CLDN14: variants seen among roughly 807,000 people sequenced by gnomAD.
CLDN14 encodes claudin 14.
CLDN14 carries 2 observed loss-of-function variants against 2.1 expected under a neutral mutation model. That is an observed-to-expected ratio of 0.96 (90% CI 0.39 to 3.01). The LOEUF (loss-of-function observed/expected upper bound fraction) is 3.01, where lower values mean the gene tolerates loss of function less well. Among genes scored for constraint, CLDN14 ranks in the 30% most tolerant of loss-of-function variants. The probability of loss-of-function intolerance (pLI) is 0.09; values close to 1 mark genes in which losing one functional copy is unlikely to be tolerated. For synonymous variants in CLDN14, 136 were observed against 154.4 expected, an observed-to-expected ratio of 0.88 and a Z score of 0.88; for missense variants, 298 against 328.0, an observed-to-expected ratio of 0.91 and a Z score of 0.71.
intron 1 of CLDN14, among the ~76,000 whole-genome samples, chr21:36,566,034 T>C (rs1054705913): frequency 2.6e-5 from 4 of 152,236 alleles, no homozygotes; most frequent in Non-Finnish European, 5.9e-5. Flanking sequence ...CTTGAAGCCA[T>C]CAGTCTTATT....
chr21:36,502,627 G>T (rs1208300996), intron 2 of CLDN14, among the ~76,000 whole-genome samples: 1 of 152,148 alleles, frequency 6.6e-6, no homozygotes, highest in Admixed American at 6.5e-5. Context: ...ATAATGTTGG[G>T]TGTGTAAGAA....
At chr21:36,531,458 T>C (rs112204241) in intron 1 of CLDN14, among the ~76,000 whole-genome samples, 20,732 of 151,570 alleles carry the variant, frequency 0.14, 3,563 homozygotes, top group African/African-American at 0.41. Flanking sequence ...ACAGACAGGG[T>C]TTCACCCTGT....
intron 1 of CLDN14, among the ~76,000 whole-genome samples, chr21:36,527,139 G>C (rs923742549): frequency 2.6e-5 from 4 of 152,188 alleles, no homozygotes; most frequent in African/African-American, 9.7e-5. Context: ...AAGCTCAACT[G>C]TTCCTCCTCT....
chr21:36,476,128 G>A (rs1246557189), intron 1 of CLDN14, among the ~76,000 whole-genome samples: 1 of 152,156 alleles, frequency 6.6e-6, no homozygotes, highest in East Asian at 1.9e-4. Flanking sequence ...TCTCTGGCCT[G>A]TCCCTGGAAT....
At chr21:36,475,866 G>A (rs1357188172) in intron 1 of CLDN14, among the ~76,000 whole-genome samples, 4 of 152,020 alleles carry the variant, frequency 2.6e-5, no homozygotes, top group Non-Finnish European at 4.4e-5. Context: ...GTAGAGACGG[G>A]GTTTCACTCC....
chr21:36,535,890 A>G (rs992739713), intron 1 of CLDN14, among the ~76,000 whole-genome samples: 1 of 152,230 alleles, frequency 6.6e-6, no homozygotes, highest in Non-Finnish European at 1.5e-5. Context: ...TACACCTTAG[A>G]GCAAACCCAC....
chr21:36,461,475 G>A lies in CLDN14; in HGVS notation c.221C>T (p.Pro74Leu), dbSNP rs908752693. The change falls in exon 2 of 2, where the codon CCC (proline) becomes CTC (leucine). Residue 74 changes from proline to leucine, a missense_variant. Transcript: ENST00000399135. Reference protein sequence around the residue: ...CQIYRSLLALPQDLQAARALM... With the variant: ...CQIYRSLLALLQDLQAARALM... ...GGCGCGGGCAGCCTGGAGGTCTTGG[G>A]GCAGCGCCAGCAGGGATCGGTAGAT... 1.9e-5 allele frequency: 31 copies of A among 1,613,294 alleles called. No homozygotes were observed. The highest frequency in any genetic ancestry group is 2.5e-5 in the Non-Finnish European group (30 of 1,180,008).
intron 2 of CLDN14, among the ~76,000 whole-genome samples, chr21:36,495,135 C>T (rs1276930928): frequency 6.6e-6 from 1 of 152,176 alleles, no homozygotes; most frequent in African/African-American, 2.4e-5. Flanking sequence ...CGAGACTAGC[C>T]TGACCAACAT....
intron 1 of CLDN14, among the ~76,000 whole-genome samples, chr21:36,475,710 C>T (rs1395014592): frequency 1.3e-5 from 2 of 152,106 alleles, no homozygotes; most frequent in Non-Finnish European, 2.9e-5. Context: ...GCCACTGCAC[C>T]CAGCCCCGCT....
intron 2 of CLDN14, among the ~76,000 whole-genome samples, chr21:36,488,535 G>C (rs1601606034): frequency 6.6e-6 from 1 of 151,872 alleles, no homozygotes; most frequent in South Asian, 2.1e-4. Context: ...CTCCCAAAGT[G>C]CTGGGATTAC....
At chr21:36,558,423 G>T (rs1475285322) in intron 1 of CLDN14, among the ~76,000 whole-genome samples, 1 of 151,986 alleles carries the variant, frequency 6.6e-6, no homozygotes, top group Non-Finnish European at 1.5e-5. Context: ...ATGAACATGG[G>T]ATACTTTTCT....
intron 1 of CLDN14, among the ~76,000 whole-genome samples, chr21:36,541,391 G>A (rs557694038): frequency 3.2e-4 from 48 of 152,128 alleles, no homozygotes; most frequent in Non-Finnish European, 6.8e-4. Flanking sequence ...GTAACAAAAG[G>A]ATGAAAAGAA....
intron 1 of CLDN14, among the ~76,000 whole-genome samples, chr21:36,470,345 T>C (rs1482664151): frequency 6.6e-6 from 1 of 152,198 alleles, no homozygotes; most frequent in African/African-American, 2.4e-5. Context: ...TATAAGAGGA[T>C]GGGCATATGA....
intron 2 of CLDN14, among the ~76,000 whole-genome samples, chr21:36,490,949 GACACAC>G (rs3030068): frequency 0.033 from 4,950 of 148,472 alleles, 154 homozygotes; most frequent in African/African-American, 0.071. Flanking sequence ...CAAGTGCACA[GACACAC>G]ACACACACAC....
intron 2 of CLDN14, among the ~76,000 whole-genome samples, chr21:36,500,426 T>G (rs1435220523): frequency 2.0e-5 from 3 of 152,196 alleles, no homozygotes; most frequent in Non-Finnish European, 4.4e-5. Flanking sequence ...TTCCATTCAT[T>G]TTTTTAAAAT....
At chr21:36,573,228 G>A (rs1427791981) in intron 1 of CLDN14, among the ~76,000 whole-genome samples, 1 of 151,688 alleles carries the variant, frequency 6.6e-6, no homozygotes, top group African/African-American at 2.4e-5. Context: ...GTGAACCCGG[G>A]AGGCGGAGCT....
chr21:36,567,168 G>C (rs1260352523), intron 1 of CLDN14, among the ~76,000 whole-genome samples: 2 of 152,234 alleles, frequency 1.3e-5, no homozygotes, highest in Admixed American at 6.5e-5. Flanking sequence ...GGAGGCAGAA[G>C]CCTACCCTGC....
chr21:36,546,596 T>C (rs1427482226), intron 1 of CLDN14, among the ~76,000 whole-genome samples: 1 of 152,218 alleles, frequency 6.6e-6, no homozygotes, highest in Non-Finnish European at 1.5e-5. Context: ...CCTCAAGCAC[T>C]TACCTTTTTT....
chr21:36,497,852 G>T (rs2087052500), intron 2 of CLDN14, among the ~76,000 whole-genome samples: 1 of 152,164 alleles, frequency 6.6e-6, no homozygotes, highest in African/African-American at 2.4e-5. Context: ...GGGGCTGGGT[G>T]GGGGCACCTG....
Sources: gnomAD v4.1 joint callset for allele counts (sites outside exome capture counted in the v4.1 genomes callset) on GRCh38, gnomAD v4.1.1 for gene constraint, MANE v1.5 for transcripts, NCBI Gene and HGNC (gene_info 2026-07-23, HGNC 2026-07-21) for gene names.